GNAI3: variants seen among roughly 807,000 people sequenced by gnomAD.
The protein encoded by GNAI3 is guanine nucleotide-binding protein G(i) subunit alpha-3.
Under a neutral mutation model 41.8 loss-of-function variants are expected in GNAI3, and 12 were observed. The observed-to-expected ratio is 0.29, with a 90% CI of 0.18 to 0.47. The LOEUF is 0.47. Among genes scored for constraint, GNAI3 ranks in the 20% least tolerant of loss-of-function variants. GNAI3 has a pLI of 1.00. For synonymous variants in GNAI3, 132 were observed against 146.5 expected, an observed-to-expected ratio of 0.90 and a Z score of 0.71; for missense variants, 360 against 429.6, an observed-to-expected ratio of 0.84 and a Z score of 1.43.
rs758986747 is a variant in GNAI3 at position 109,574,055 on chromosome 1, C to A, written c.303+18C>A. 7.6e-6 allele frequency: 12 copies of A among 1,586,872 alleles called. No homozygotes were observed. The highest frequency in any genetic ancestry group is 1.7e-4 in the Middle Eastern group (1 of 5,936). On this transcript the variant is annotated intron_variant, in intron 3 of 8. Coordinates refer to ENST00000369851, the MANE Select transcript of GNAI3 (RefSeq NM_006496.4). ...CCAGGGCAGTAAGTGTTTCTCATTT[C>A]CTCTTCACTTGCTCTTATTCAGCAG...
At chr1:109,586,063 G>A (rs1649026110) in intron 5 of GNAI3, among the ~76,000 whole-genome samples, 153 bp from the exon 6 acceptor site, 1 of 152,046 alleles carries the variant, frequency 6.6e-6, no homozygotes, top group Non-Finnish European at 1.5e-5. Flanking sequence ...CTTTTAGCCA[G>A]GATAATTATT....
chr1:109,562,417 A>G (rs1648337427), intron 1 of GNAI3, among the ~76,000 whole-genome samples: 1 of 152,110 alleles, frequency 6.6e-6, no homozygotes, highest in African/African-American at 2.4e-5. Flanking sequence ...TCCCCTGCGG[A>G]TACCAAGGTA....
intron 1 of GNAI3, among the ~76,000 whole-genome samples, chr1:109,553,249 A>G (rs1331117123): frequency 6.6e-6 from 1 of 152,128 alleles, no homozygotes; most frequent in African/African-American, 2.4e-5. Flanking sequence ...TCATCACTGT[A>G]CTAATGAAGA....
chr1:109,551,220 C>G (rs1479594433), intron 1 of GNAI3, among the ~76,000 whole-genome samples: 1 of 152,108 alleles, frequency 6.6e-6, no homozygotes, highest in Non-Finnish European at 1.5e-5. Flanking sequence ...AAGTTAAATC[C>G]ACAAATTCAA....
intron 1 of GNAI3, among the ~76,000 whole-genome samples, chr1:109,554,702 A>G (rs1648096241): frequency 6.6e-6 from 1 of 152,024 alleles, no homozygotes; most frequent in South Asian, 2.1e-4. Context: ...GAAGCTTTTT[A>G]GTTTAGTTGA....
In GNAI3 at chr1:109,592,273, G is replaced by A; in HGVS notation, c.*22+18G>A. On this transcript the variant is annotated intron_variant, in intron 8 of 8. Coordinates refer to ENST00000369851, the MANE Select transcript of GNAI3 (RefSeq NM_006496.4). ...AGTGAAAGGTAAAGTTTCATACAAGGTAGTTATAGTGCTACAGTGATGTCT... is the reference window on the plus strand; with the variant it reads ...AGTGAAAGGTAAAGTTTCATACAAGATAGTTATAGTGCTACAGTGATGTCT... 7.7e-7 allele frequency: 1 copy of A among 1,301,042 alleles called. No individual in the cohort carries two copies. Among genetic ancestry groups the A allele is most frequent in the South Asian group, 1.2e-5 (1 of 83,004 alleles). 80.6% of individuals were successfully genotyped at this position (1,301,042 alleles called of 1,614,324 possible).
rs1408170381 is a variant in GNAI3 at position 109,597,126 on chromosome 1, T to A, written c.*4804T>A. On this transcript the variant is annotated 3_prime_UTR_variant, in exon 9 of 9. Coordinates refer to ENST00000369851, the MANE Select transcript of GNAI3 (RefSeq NM_006496.4). Reference sequence around the variant, plus strand: ...AAAAGCTTTTGATTTTGGAGCATTTTAGATTTTGGATTTTCAGATTTGAAA... The same window carrying A: ...AAAAGCTTTTGATTTTGGAGCATTTAAGATTTTGGATTTTCAGATTTGAAA... The A allele has an allele frequency of 6.6e-6, 1 of 152,204 alleles. No homozygotes were observed. Among genetic ancestry groups the A allele is most frequent in the Non-Finnish European group, 1.5e-5 (1 of 68,028 alleles). 9.4% of individuals were successfully genotyped at this position (152,204 alleles called of 1,614,324 possible). A position where few individuals can be genotyped will look rare whatever the true frequency, so the allele number is the denominator to read the frequency against.
chr1:109,595,547 C>G lies in GNAI3; in HGVS notation c.*3225C>G, dbSNP rs1649281548. ...CTATTTGTTGTATATACACATTAGACTATTTTAAAATAACAGCTGGTTTTT... is the reference window on the plus strand; with the variant it reads ...CTATTTGTTGTATATACACATTAGAGTATTTTAAAATAACAGCTGGTTTTT... On this transcript the variant is annotated 3_prime_UTR_variant, in exon 9 of 9. Transcript: ENST00000369851. 1 of 152,062 alleles carries G rather than the reference C, an allele frequency of 6.6e-6. No individual in the cohort carries two copies. Among genetic ancestry groups the G allele is most frequent in the Admixed American group, 6.5e-5 (1 of 15,278 alleles). 9.4% of individuals were successfully genotyped at this position (152,062 alleles called of 1,614,324 possible).
At position 109,592,811 on chromosome 1, in the gene GNAI3, C is replaced by T. The variant is rs1350749235; in HGVS notation, c.*489C>T. ...ACCAGATCATCTTGAAAATATTCCT[C>T]TTTAGTAGGAACTCTTTGTTTTTAA... On this transcript the variant is annotated 3_prime_UTR_variant, in exon 9 of 9. Transcript: ENST00000369851. The T allele has an allele frequency of 6.6e-6, 1 of 152,594 alleles. No homozygotes were observed. Among genetic ancestry groups the T allele is most frequent in the Non-Finnish European group, 1.5e-5 (1 of 68,036 alleles). 9.5% of individuals were successfully genotyped at this position (152,594 alleles called of 1,614,324 possible). A position where few individuals can be genotyped will look rare whatever the true frequency, so the allele number is the denominator to read the frequency against.
At chr1:109,566,019 A>T (rs1258837992) in intron 1 of GNAI3, among the ~76,000 whole-genome samples, 1 of 152,212 alleles carries the variant, frequency 6.6e-6, no homozygotes, top group East Asian at 1.9e-4. Context: ...CAGTAGCCAG[A>T]GCTGGCTAGA....
intron 3 of GNAI3, among the ~76,000 whole-genome samples, chr1:109,575,742 G>A (rs1571156833): frequency 6.6e-6 from 1 of 151,948 alleles, no homozygotes; most frequent in East Asian, 1.9e-4. Flanking sequence ...ATGTTGGCCA[G>A]GCTGGTCTCG....
rs1479764416 is a variant in GNAI3 at position 109,593,822 on chromosome 1, A to G, written c.*1500A>G. ...AATGTCATTAAATATTGAATGCTCTATTGGGGGAAGACAAATGAAGAGAAT... is the reference window on the plus strand; with the variant it reads ...AATGTCATTAAATATTGAATGCTCTGTTGGGGGAAGACAAATGAAGAGAAT... On this transcript the variant is annotated 3_prime_UTR_variant, in exon 9 of 9. Transcript: ENST00000369851. 1.3e-5 allele frequency: 2 copies of G among 152,692 alleles called. No homozygotes were observed. Among genetic ancestry groups the G allele is most frequent in the East Asian group, 3.9e-4 (2 of 5,178 alleles). The allele number at this position is 152,692 out of a possible 1,614,324, so 9.5% of individuals were successfully genotyped here.
chr1:109,573,740 C>G lies in GNAI3; in HGVS notation c.122C>G (p.Ala41Gly). 2 of 1,608,662 alleles carry G rather than the reference C, an allele frequency of 1.2e-6. No homozygotes were observed. Among genetic ancestry groups the G allele is most frequent in the Non-Finnish European group, 1.7e-6 (2 of 1,175,298 alleles). Reference sequence around the variant, plus strand: ...GTCTGGTTTTCTTTTCTTACAGGTGCTGGAGAATCTGGTAAAAGCACCATT... The same window carrying G: ...GTCTGGTTTTCTTTTCTTACAGGTGGTGGAGAATCTGGTAAAAGCACCATT... Reference protein sequence around the residue: ...AKEVKLLLLGAGESGKSTIVK... With the variant: ...AKEVKLLLLGGGESGKSTIVK... Residue 41 changes from alanine to glycine, a missense_variant, in exon 2 of 9, where the codon GCT (alanine) becomes GGT (glycine). Physicochemically the swap from Ala to Gly is moderately conservative, Grantham distance 60. Coordinates refer to ENST00000369851, the MANE Select transcript of GNAI3 (RefSeq NM_006496.4).
At chr1:109,554,299 C>T (rs1648084923) in intron 1 of GNAI3, among the ~76,000 whole-genome samples, 1 of 152,106 alleles carries the variant, frequency 6.6e-6, no homozygotes, top group Non-Finnish European at 1.5e-5. Context: ...CTTTAAGGAA[C>T]CTACACACTG....
intron 1 of GNAI3, among the ~76,000 whole-genome samples, chr1:109,571,223 T>C (rs1436554053): frequency 1.3e-5 from 2 of 152,160 alleles, no homozygotes; most frequent in Non-Finnish European, 2.9e-5. Flanking sequence ...AATCAGTATC[T>C]CAGTTTTGAG....
Position 109,582,387 on chromosome 1 carries a change from A to G in GNAI3, c.462-50A>G, listed in dbSNP as rs758560176. 2.6e-5 allele frequency: 39 copies of G among 1,498,156 alleles called. No homozygotes were observed. In the Admixed American group the frequency reaches 5.4e-4, roughly 21 times the overall value. The allele number at this position is 1,498,156 out of a possible 1,614,324, so 92.8% of individuals were successfully genotyped here. On this transcript the variant is annotated intron_variant, in intron 4 of 8. Coordinates refer to ENST00000369851, the MANE Select transcript of GNAI3 (RefSeq NM_006496.4). ...AACTAATTTAGTCTGTTCATTTGCT[A>G]TGCACATGGTTGGCTTCACCAAGTA...
chr1:109,586,826 T>C lies in GNAI3; in HGVS notation c.818T>C (p.Leu273Pro). Reference protein sequence around the residue: ...SIILFLNKKDLFEEKIKRSPL... With the variant: ...SIILFLNKKDPFEEKIKRSPL... ...ATTCTCTTCCTTAACAAGAAAGACCTTTTTGAGGAAAAAATAAAGAGGAGT... is the reference window on the plus strand; with the variant it reads ...ATTCTCTTCCTTAACAAGAAAGACCCTTTTGAGGAAAAAATAAAGAGGAGT... Residue 273 changes from leucine (L) to proline (P), a missense_variant, in exon 7 of 9, where the codon CTT (leucine) becomes CCT (proline). Leu to Pro is a moderately conservative substitution (Grantham distance 98). Transcript: ENST00000369851. 1 of 1,596,590 alleles carries C rather than the reference T, an allele frequency of 6.3e-7. No homozygotes were observed. Among genetic ancestry groups the C allele is most frequent in the Non-Finnish European group, 8.6e-7 (1 of 1,164,242 alleles).
At chr1:109,591,443 A>T (rs1571164927) in intron 7 of GNAI3, 1 of 826,404 alleles carries the variant, frequency 1.2e-6, no homozygotes, top group Non-Finnish European at 2.0e-6. Flanking sequence ...CTTCTCAACA[A>T]TTTCTCACTT....
chr1:109,577,269 G>GA (rs1648772045), intron 3 of GNAI3, among the ~76,000 whole-genome samples: 1 of 139,002 alleles, frequency 7.2e-6, no homozygotes, highest in African/African-American at 2.7e-5. Flanking sequence ...TAGCTAAGGT[G>GA]TTTTTTTTGT....
Sources: gnomAD v4.1 joint callset for allele counts (sites outside exome capture counted in the v4.1 genomes callset) on GRCh38, gnomAD v4.1.1 for gene constraint, MANE v1.5 for transcripts, NCBI Gene and HGNC (gene_info 2026-07-23, HGNC 2026-07-21) for gene names.